DOCK2: variants seen among roughly 807,000 people sequenced by gnomAD.
DOCK2 encodes dedicator of cytokinesis 2.
Under a neutral mutation model 248.9 loss-of-function variants are expected in DOCK2, and 87 were observed. The observed-to-expected ratio is 0.35, with a 90% confidence interval of 0.29 to 0.42. The LOEUF (loss-of-function observed/expected upper bound fraction) is 0.42. Ranked by LOEUF, DOCK2 falls within the 10% of genes least tolerant of loss-of-function variation. DOCK2 has a pLI of 1.00. For synonymous variants in DOCK2, 805 were observed against 821.6 expected, an observed-to-expected ratio of 0.98 and a Z score of 0.35; for missense variants, 1,747 against 2,300.2, an observed-to-expected ratio of 0.76 and a Z score of 4.92.
At chr5:169,897,628 G>C (rs545220332) in intron 27 of DOCK2, among the ~76,000 whole-genome samples, 4 of 152,214 alleles carry the variant, frequency 2.6e-5, no homozygotes, top group African/African-American at 4.8e-5. Flanking sequence ...CCATGGTTGA[G>C]AGCCTGGGGA....
At chr5:169,881,257 A>G in intron 27 of DOCK2, 1 of 843,326 alleles carries the variant, frequency 1.2e-6, no homozygotes, top group South Asian at 1.5e-5. Context: ...TCATAGTTAA[A>G]TACCTTGTTT....
At chr5:169,949,414 G>A (rs1222916099) in intron 27 of DOCK2, among the ~76,000 whole-genome samples, 1 of 152,150 alleles carries the variant, frequency 6.6e-6, no homozygotes. Context: ...GATGGCTTTT[G>A]AGATTTTTCT....
At chr5:169,735,443 C>T (rs574268208) in intron 22 of DOCK2, among the ~76,000 whole-genome samples, 1 of 152,280 alleles carries the variant, frequency 6.6e-6, no homozygotes, top group Non-Finnish European at 1.5e-5. Flanking sequence ...ATTTATCTTT[C>T]CTGTGTCCTC....
chr5:169,650,690 G>A, intron 1 of DOCK2, among the ~76,000 whole-genome samples: 1 of 152,166 alleles, frequency 6.6e-6, no homozygotes. Flanking sequence ...AGTCCTTGCT[G>A]GAGTCAGTGA....
At chr5:169,735,741 G>A (rs1304326095) in intron 22 of DOCK2, among the ~76,000 whole-genome samples, 1 of 152,162 alleles carries the variant, frequency 6.6e-6, no homozygotes, top group East Asian at 1.9e-4. Flanking sequence ...CTTTAGCCAA[G>A]TAAAAGCTGC....
intron 44 of DOCK2, among the ~76,000 whole-genome samples, chr5:170,066,215 T>C (rs555902204): frequency 2.0e-5 from 3 of 151,944 alleles, no homozygotes; most frequent in East Asian, 1.9e-4. Context: ...CTCCCGCAAA[T>C]GAAAACTTTT....
chr5:169,711,248 C>T (rs538942647), intron 15 of DOCK2, among the ~76,000 whole-genome samples: 69 of 152,322 alleles, frequency 4.5e-4, no homozygotes, highest in African/African-American at 1.6e-3. Context: ...TCCGCATTGG[C>T]CTGAATCTCA....
chr5:170,034,416 C>A lies in DOCK2; in HGVS notation c.3485C>A (p.Ala1162Glu). ...LLESILMECA[A>E]EHPTIAKSVE... ...TGCCGCAGCCTGATGGAATGTGCTG[C>A]AGAGCACCCAACCATTGCCAAGTCG... Residue 1162 changes from alanine to glutamate, a missense_variant, in exon 35 of 52, where the codon GCA becomes GAA. Physicochemically the swap from Ala to Glu is moderately radical, Grantham distance 107 (BLOSUM62 -1). Around this residue, in one of 4 missense-constraint regions of DOCK2, gnomAD observed 858 missense variants for 1,183.5 expected, o/e 0.72. Transcript: ENST00000520908. 6.2e-7 allele frequency: 1 copy of A among 1,614,082 alleles called. No homozygotes were observed. Among genetic ancestry groups the A allele is most frequent in the South Asian group, 1.1e-5 (1 of 91,082 alleles).
At chr5:169,858,424 G>T (rs909152632) in intron 27 of DOCK2, among the ~76,000 whole-genome samples, 2 of 152,126 alleles carry the variant, frequency 1.3e-5, no homozygotes, top group Non-Finnish European at 2.9e-5. Context: ...GGGGAGTATT[G>T]AAGGCAGGAG....
intron 23 of DOCK2, among the ~76,000 whole-genome samples, chr5:169,756,747 G>C (rs1205849603): frequency 6.6e-6 from 1 of 152,118 alleles, no homozygotes; most frequent in African/African-American, 2.4e-5. Flanking sequence ...CCAACGTGGT[G>C]AAACCCCATC....
chr5:169,651,875 G>A (rs1757827374), intron 1 of DOCK2, among the ~76,000 whole-genome samples: 1 of 152,242 alleles, frequency 6.6e-6, no homozygotes, highest in Non-Finnish European at 1.5e-5. Context: ...TTGGTCGACA[G>A]AGCAGTTGGT....
chr5:170,053,405 C>T (rs894687558), intron 41 of DOCK2, among the ~76,000 whole-genome samples: 5 of 152,350 alleles, frequency 3.3e-5, no homozygotes, highest in Non-Finnish European at 4.4e-5. Context: ...CAAAAATGCG[C>T]GGGTATTGCT....
intron 27 of DOCK2, among the ~76,000 whole-genome samples, chr5:169,951,657 A>G (rs1042696821): frequency 1.3e-5 from 2 of 152,246 alleles, no homozygotes; most frequent in African/African-American, 4.8e-5. Flanking sequence ...GAGGGTCCAG[A>G]GTATGTTATT....
At chr5:170,060,006 TC>T (rs1381869849) in intron 44 of DOCK2, among the ~76,000 whole-genome samples, 1 of 152,264 alleles carries the variant, frequency 6.6e-6, no homozygotes, top group Non-Finnish European at 1.5e-5. Context: ...CTAAGTGACT[TC>T]ATTTCCAAAG....
chr5:170,006,495 T>G (rs1050750315), intron 30 of DOCK2, among the ~76,000 whole-genome samples: 4 of 152,060 alleles, frequency 2.6e-5, no homozygotes, highest in Admixed American at 6.6e-5. Flanking sequence ...GTATTTTTAG[T>G]AGAGATGGGG....
At chr5:169,814,645 C>T (rs549901854) in intron 26 of DOCK2, among the ~76,000 whole-genome samples, 1 of 152,152 alleles carries the variant, frequency 6.6e-6, no homozygotes, top group African/African-American at 2.4e-5. Flanking sequence ...TCTGTACCAT[C>T]TATGCAACTC....
intron 25 of DOCK2, among the ~76,000 whole-genome samples, chr5:169,791,185 G>C (rs12520941): frequency 1.3e-5 from 2 of 148,882 alleles, no homozygotes; most frequent in East Asian, 1.9e-4. Flanking sequence ...CAGGCATTGT[G>C]CTAGGAACTG....
rs370678004 is a variant in DOCK2, at chr5:169,735,940, A to C, written c.2268-11456A>C. 6.0e-5 allele frequency among the ~76,000 whole-genome samples: 9 copies of C among 149,798 alleles called. No individual in the cohort carries two copies. The East Asian group carries it at 8.0e-4, about 13-fold the overall frequency. On this transcript the variant is annotated intron_variant, in intron 22 of 51. Coordinates refer to ENST00000520908, the MANE Select transcript of DOCK2 (RefSeq NM_004946.3). ...CAAGCATGCCTTAGCATGGCAGAGC[A>C]GGGGGGAGAGGGAGAGAGAGAGAGA...
rs115197693 is a variant in DOCK2, at chr5:169,679,730, A to G, written c.471-2014A>G. On this transcript the variant is annotated intron_variant, in intron 6 of 51. Coordinates refer to ENST00000520908, the MANE Select transcript of DOCK2 (RefSeq NM_004946.3). Reference sequence around the variant, plus strand: ...CCGTTGGGCAGCATGGCCGTGTACCATTATGAGTCATGTTAAGTTGGGAGT... The same window carrying G: ...CCGTTGGGCAGCATGGCCGTGTACCGTTATGAGTCATGTTAAGTTGGGAGT... 9.5e-3 allele frequency among the ~76,000 whole-genome samples: 1,440 copies of G among 152,324 alleles called. 22 individuals are homozygous for G. Among genetic ancestry groups the G allele is most frequent in the African/African-American group, 0.033 (1,357 of 41,574 alleles).
Sources: gnomAD v4.1 joint callset for allele counts (sites outside exome capture counted in the v4.1 genomes callset) on GRCh38, gnomAD v4.1.1 for gene constraint, gnomAD v4.1.1 regional missense constraint, MANE v1.5 for transcripts, NCBI Gene and HGNC (gene_info 2026-07-23, HGNC 2026-07-21) for gene names.